The following PSME4 variants were observed in gnomAD, a reference collection of about 807,000 sequenced individuals.
PSME4 encodes proteasome activator subunit 4.
PSME4 carries 89 observed loss-of-function variants against 253.9 expected under a neutral mutation model. The ratio of observed to expected loss-of-function variants is 0.35; its 90% CI spans 0.30 to 0.42. The LOEUF (loss-of-function observed/expected upper bound fraction) is 0.42. Ranked by LOEUF, PSME4 falls within the 10% of genes least tolerant of loss-of-function variation. PSME4 has a pLI of 1.00. For missense variants in PSME4, 2,014 were observed against 2,195.2 expected, an observed-to-expected ratio of 0.92 and a Z score of 1.65; for synonymous variants, 851 against 759.2, an observed-to-expected ratio of 1.12 and a Z score of -1.99.
At chr2:53,872,031 G>C (rs768201268) in intron 43 of PSME4, among the ~76,000 whole-genome samples, 3 of 152,018 alleles carry the variant, frequency 2.0e-5, no homozygotes, top group Non-Finnish European at 4.4e-5. Context: ...AAGGGGGGGC[G>C]GGGATGGTAA....
In PSME4 at chr2:53,936,096, A is replaced by G. The variant is rs374340586; in HGVS notation, c.825T>C (p.Tyr275=). 3.7e-5 allele frequency: 60 copies of G among 1,612,674 alleles called. 1 individual carries two copies. In the South Asian group the frequency reaches 4.3e-4, roughly 12 times the overall value. ...CCAAAATGTTAATTACCTTTGGTAC[A>G]TATGGATCCCAATCTATGTACCCTA... is the stretch of plus-strand genomic sequence containing the variant. The part of the protein sequence containing the change: ...DNIGYIDWDP[Y]VPKIFTRILR... Residue 275 remains tyrosine (Y), a synonymous_variant, in exon 7 of 47, where the codon TAT becomes TAC. Transcript: ENST00000404125.
At chr2:53,924,323 G>C (rs1317000758) in intron 14 of PSME4, among the ~76,000 whole-genome samples, 1 of 152,212 alleles carries the variant, frequency 6.6e-6, no homozygotes, top group African/African-American at 2.4e-5. Flanking sequence ...CTATAAGGCA[G>C]TTTGGCTTCT....
chr2:53,911,512 C>T (rs1169957375), intron 20 of PSME4, among the ~76,000 whole-genome samples: 1 of 152,054 alleles, frequency 6.6e-6, no homozygotes, highest in Non-Finnish European at 1.5e-5. Flanking sequence ...TATGTCTTTA[C>T]TGAAATTAGA....
chr2:53,936,765 C>G lies in PSME4; in HGVS notation c.758G>C (p.Gly253Ala). 1 of 1,577,268 alleles carries G rather than the reference C, an allele frequency of 6.3e-7. No individual in the cohort carries two copies. Among genetic ancestry groups the G allele is most frequent in the Non-Finnish European group, 8.6e-7 (1 of 1,161,440 alleles). ...VSVQNLPQWE[G>A]QLVNLFARLA... The stretch of plus-strand genomic sequence containing the variant: ...AGAAAGGGAAAAAGGGATACTTACC[C>G]CCTCCCATTGTGGGAGATTTTGCAC... The change falls in exon 6 of 47, where the codon GGG becomes GCG. Residue 253 changes from glycine (G) to alanine (A), a missense_variant and splice_region_variant. Physicochemically the swap from Gly to Ala is moderately conservative, Grantham distance 60. Transcript: ENST00000404125.
chr2:53,893,696 G>C lies in PSME4; in HGVS notation c.4016C>G (p.Pro1339Arg). The C allele has an allele frequency of 6.2e-7, 1 of 1,609,666 alleles. No individual in the cohort carries two copies. The highest frequency in any genetic ancestry group is 8.5e-7 in the Non-Finnish European group (1 of 1,177,860). ...EDRKGKDKFN[P>R]RRFCLFKGIF... ...TACCTTAAAGAGGCAAAAACGTCGTGGATTAAACTTATCTTTTCCTTTTCT... is the reference window on the plus strand; with the variant it reads ...TACCTTAAAGAGGCAAAAACGTCGTCGATTAAACTTATCTTTTCCTTTTCT... Residue 1339 changes from proline (P) to arginine (R), a missense_variant, in exon 35 of 47, where the codon CCA becomes CGA. By Grantham distance (103) the Pro-to-Arg change is moderately radical (BLOSUM62 -2). Transcript: ENST00000404125.
intron 41 of PSME4, among the ~76,000 whole-genome samples, chr2:53,880,448 C>T (rs944443126): frequency 6.6e-6 from 1 of 152,070 alleles, no homozygotes; most frequent in African/African-American, 2.4e-5. Context: ...AATGCAGATA[C>T]ATCTCTTTTG....
intron 1 of PSME4, among the ~76,000 whole-genome samples, chr2:53,968,354 CTT>C (rs1242645246): frequency 1.3e-5 from 2 of 151,750 alleles, no homozygotes; most frequent in African/African-American, 4.8e-5. Flanking sequence ...GATTAAGTAA[CTT>C]TCCCACAGTC....
chr2:53,920,284 C>G lies in PSME4; in HGVS notation c.2329G>C (p.Val777Leu), dbSNP rs1668240394. 3.1e-6 allele frequency: 5 copies of G among 1,613,974 alleles called. No homozygotes were observed. Among genetic ancestry groups the G allele is most frequent in the East Asian group, 2.2e-5 (1 of 44,868 alleles). ...TCCAAAAGATAAAAGGCAAAAGACA[C>G]TTCTTCTGAAGAAGGAACATGCCAC... ...IQWHVPSSEE[V>L]SFAFYLLDSF... is the part of the protein sequence containing the mutation. The change falls in exon 19 of 47, where the codon GTG (valine) becomes CTG (leucine). Residue 777 changes from valine (V) to leucine (L), a missense_variant. Transcript: ENST00000404125.
At chr2:53,938,742 T>C (rs74783751) in intron 4 of PSME4, among the ~76,000 whole-genome samples, 1 of 152,346 alleles carries the variant, frequency 6.6e-6, no homozygotes, top group East Asian at 1.9e-4. Flanking sequence ...CTTCATATAC[T>C]TGTGTTAATT....
At position 53,878,389 on chromosome 2, in the gene PSME4, T is replaced by C. The variant is rs542586230; in HGVS notation, c.4816-2634A>G. 4.6e-5 allele frequency among the ~76,000 whole-genome samples: 7 copies of C among 152,282 alleles called. No individual in the cohort carries two copies. The South Asian group carries it at 8.3e-4, about 18-fold the overall frequency. Reference sequence around the variant, plus strand: ...CAGGACCCTGTGATAATTGTGTTAATTGCACAAATTGTTTAAACAATATGA... The same window carrying C: ...CAGGACCCTGTGATAATTGTGTTAACTGCACAAATTGTTTAAACAATATGA... On this transcript the variant is annotated intron_variant, in intron 41 of 46. Transcript: ENST00000404125.
At chr2:53,954,743 A>C (rs1670155254) in intron 1 of PSME4, among the ~76,000 whole-genome samples, 1 of 151,940 alleles carries the variant, frequency 6.6e-6, no homozygotes. Context: ...TGGGAGGCTG[A>C]GGCAGAAGAA....
intron 3 of PSME4, among the ~76,000 whole-genome samples, chr2:53,943,846 CA>C (rs5831284): frequency 0.12 from 9,681 of 81,214 alleles, 763 homozygotes; most frequent in African/African-American, 0.31. Context: ...AACTCCATCT[CA>C]AAAAAAAAAA....
intron 3 of PSME4, among the ~76,000 whole-genome samples, chr2:53,947,567 G>A (rs533358204): frequency 1.3e-5 from 2 of 152,186 alleles, no homozygotes; most frequent in African/African-American, 4.8e-5. Flanking sequence ...TTAGCCGGGC[G>A]TGGTGGTGGG....
chr2:53,950,064 C>T (rs560978294), intron 1 of PSME4, among the ~76,000 whole-genome samples: 1 of 152,158 alleles, frequency 6.6e-6, no homozygotes, highest in South Asian at 2.1e-4. Flanking sequence ...CACTTGAACC[C>T]AGGAGTTCAA....
intron 38 of PSME4, 89 bp from the exon 39 acceptor site, chr2:53,888,078 T>C (rs554665031): frequency 1.3e-5 from 17 of 1,342,392 alleles, no homozygotes; most frequent in Non-Finnish European, 1.7e-5. Flanking sequence ...GTATTTCACT[T>C]AAAGCTTTTT....
At chr2:53,883,906 C>T (rs958305319) in intron 41 of PSME4, among the ~76,000 whole-genome samples, 8 of 152,162 alleles carry the variant, frequency 5.3e-5, no homozygotes, top group African/African-American at 1.9e-4. Context: ...ATTATCTTCA[C>T]TTATAAAAGC....
chr2:53,962,807 T>G (rs1364832539), intron 1 of PSME4, among the ~76,000 whole-genome samples: 1 of 151,896 alleles, frequency 6.6e-6, no homozygotes, highest in African/African-American at 2.4e-5. Flanking sequence ...GGTCTGGAGA[T>G]CGAGACCATC....
At chr2:53,936,682 T>G in intron 6 of PSME4, 82 bp downstream of exon 6, 1 of 978,268 alleles carries the variant, frequency 1.0e-6, no homozygotes, top group East Asian at 2.8e-5. Context: ...TATTAATATT[T>G]ATCTCCAAAT....
intron 41 of PSME4, among the ~76,000 whole-genome samples, chr2:53,879,346 A>C (rs1679275588): frequency 6.6e-6 from 1 of 152,242 alleles, no homozygotes; most frequent in African/African-American, 2.4e-5. Flanking sequence ...ATCCTATCGT[A>C]TGAATCATTC....
Sources: gnomAD v4.1 joint callset for allele counts (sites outside exome capture counted in the v4.1 genomes callset) on GRCh38, gnomAD v4.1.1 for gene constraint, MANE v1.5 for transcripts, NCBI Gene and HGNC (gene_info 2026-07-23, HGNC 2026-07-21) for gene names.